ERICH3: variants seen among roughly 807,000 people sequenced by gnomAD.
The protein encoded by ERICH3 is glutamate rich 3, also known as glutamate-rich protein 3.
A neutral mutation model predicts 131.1 loss-of-function variants in ERICH3; 126 were observed. That is an observed-to-expected ratio of 0.96 (90% CI 0.83 to 1.11). ERICH3 has a LOEUF of 1.11. Among genes scored for constraint, ERICH3 ranks in the 50% most tolerant of loss-of-function variants. The pLI is 0.00. For synonymous variants in ERICH3, 695 were observed against 644.6 expected, an observed-to-expected ratio of 1.08 and a Z score of -1.18; for missense variants, 2,050 against 1,810.7, an observed-to-expected ratio of 1.13 and a Z score of -2.40.
intron 10 of ERICH3, among the ~76,000 whole-genome samples, chr1:74,600,470 C>A (rs1399372714): frequency 1.3e-5 from 2 of 151,658 alleles, no homozygotes; most frequent in Admixed American, 1.3e-4. Flanking sequence ...CAAGAAAAGG[C>A]ATTATGAAGG....
At chr1:74,658,308 C>G (rs1646604815) in intron 1 of ERICH3, among the ~76,000 whole-genome samples, 2 of 152,130 alleles carry the variant, frequency 1.3e-5, no homozygotes, top group South Asian at 4.1e-4. Context: ...AAGATTTGTT[C>G]AAAACACATG....
At chr1:74,673,476 A>G (rs552162526) in intron 1 of ERICH3, 21 bp downstream of exon 1, 1 of 1,612,108 alleles carries the variant, frequency 6.2e-7, no homozygotes, top group South Asian at 1.1e-5. Flanking sequence ...ACAGCGTGGA[A>G]AAGCTCCAGT....
intron 7 of ERICH3, among the ~76,000 whole-genome samples, chr1:74,626,969 C>T (rs566262472): frequency 2.6e-5 from 4 of 151,860 alleles, no homozygotes; most frequent in South Asian, 4.2e-4. Context: ...TCTTTCTTTC[C>T]TTTTTTTTAA....
At position 74,572,258 on chromosome 1, in the gene ERICH3, T is replaced by C. The variant is rs761780276; in HGVS notation, c.3452A>G (p.Glu1151Gly). The C allele has an allele frequency of 1.2e-6, 2 of 1,614,130 alleles. No individual in the cohort carries two copies. The highest frequency in any genetic ancestry group is 2.2e-5 in the South Asian group (2 of 91,086). The change falls in exon 14 of 15, where the codon GAG becomes GGG. Residue 1151 changes from glutamate to glycine, a missense_variant. Physicochemically the swap from Glu to Gly is moderately conservative, Grantham distance 98. Coordinates refer to ENST00000326665, the MANE Select transcript of ERICH3 (RefSeq NM_001002912.5). ...TGCTTCAAATATGGGAACCACTGTC[T>C]CTTTTAGTGAATCTTCTCCTAGAAG... Reference protein sequence around the residue: ...PGLLGEDSLKETVVPIFEATP... With the variant: ...PGLLGEDSLKGTVVPIFEATP...
chr1:74,632,287 T>C (rs978841934), intron 6 of ERICH3, among the ~76,000 whole-genome samples: 2 of 152,060 alleles, frequency 1.3e-5, no homozygotes, highest in African/African-American at 2.4e-5. Flanking sequence ...AATAGGAAAT[T>C]AGGACTTTTT....
rs189218546 is a variant in ERICH3, at chr1:74,614,026, T to G, written c.1001-1217A>C. ...ACCAGTGGTTTTCAAATTTTAATGG[T>G]GTATCAGCATCACCTAGAGGGCTTG... On this transcript the variant is annotated intron_variant, in intron 8 of 14. Transcript: ENST00000326665. Among the ~76,000 whole-genome samples, 738 of 152,300 alleles carry G rather than the reference T, an allele frequency of 4.8e-3. 8 individuals are homozygous for G. The highest frequency in any genetic ancestry group is 0.016 in the African/African-American group (665 of 41,560).
intron 2 of ERICH3, among the ~76,000 whole-genome samples, chr1:74,648,819 T>C (rs1170794901): frequency 6.6e-6 from 1 of 152,158 alleles, no homozygotes; most frequent in Non-Finnish European, 1.5e-5. Context: ...TGTTGAAATG[T>C]ACATGTCTTC....
chr1:74,616,209 G>A (rs989262549), intron 8 of ERICH3, among the ~76,000 whole-genome samples: 2 of 151,752 alleles, frequency 1.3e-5, no homozygotes, highest in African/African-American at 4.8e-5. Flanking sequence ...TAGTAGAGAC[G>A]GGGTTTCGCC....
At chr1:74,595,483 C>A (rs1454807106) in intron 11 of ERICH3, among the ~76,000 whole-genome samples, 2 of 151,978 alleles carry the variant, frequency 1.3e-5, no homozygotes, top group Non-Finnish European at 2.9e-5. Flanking sequence ...GCAGATATAG[C>A]AGGAGGAGAA....
At chr1:74,673,809 A>C (rs2100666482), upstream of ERICH3, 1 of 366,338 alleles carries the variant, frequency 2.7e-6, no homozygotes, top group African/African-American at 2.1e-5. Context: ...GAGCCTGCGG[A>C]AGCTGGAAGT....
chr1:74,656,137 A>G (rs1370212181), intron 1 of ERICH3, among the ~76,000 whole-genome samples: 35 of 152,282 alleles, frequency 2.3e-4, no homozygotes, highest in Admixed American at 6.5e-5. Context: ...GGTTTCCTAG[A>G]AAGAAACTGG....
chr1:74,653,718 T>G (rs928808611), intron 1 of ERICH3, among the ~76,000 whole-genome samples: 1 of 152,124 alleles, frequency 6.6e-6, no homozygotes, highest in Non-Finnish European at 1.5e-5. Flanking sequence ...TGTGAGTCAG[T>G]TTTAGGAAAA....
intron 8 of ERICH3, among the ~76,000 whole-genome samples, chr1:74,615,835 C>T (rs1465630690): frequency 1.3e-5 from 2 of 152,214 alleles, no homozygotes; most frequent in East Asian, 1.9e-4. Flanking sequence ...TAACCAGCCG[C>T]TTTGCTGTCT....
In ERICH3 at chr1:74,589,787, C is replaced by A. The variant is rs1274251958; in HGVS notation, c.2020G>T (p.Glu674Ter). 6.2e-7 allele frequency: 1 copy of A among 1,614,128 alleles called. No individual in the cohort carries two copies. The highest frequency in any genetic ancestry group is 2.2e-5 in the East Asian group (1 of 44,878). ...TCTGCAATCTCTTGGGTTCCTTTCT[C>A]CGTTCCTTCTTTAAGAACATTCTCA... ...SFENVLKEGT[E>*]KGTQEIAEGL... The change falls in exon 12 of 15, where the codon GAG becomes TAG. Residue 674 changes from glutamate (E) to a stop codon, truncating the protein, a stop_gained. Transcript: ENST00000326665. LOFTEE classifies it high-confidence loss of function.
intron 7 of ERICH3, chr1:74,626,151 G>A (rs1570887240): frequency 6.6e-6 from 1 of 152,050 alleles, no homozygotes; most frequent in East Asian, 1.9e-4. Context: ...TTTTAGAATT[G>A]CATATGTGGC....
intron 13 of ERICH3, among the ~76,000 whole-genome samples, chr1:74,574,553 C>T (rs1280319477): frequency 6.6e-6 from 1 of 152,208 alleles, no homozygotes; most frequent in Non-Finnish European, 1.5e-5. Flanking sequence ...TGTTCAGAAG[C>T]TAACTTGCCT....
At chr1:74,619,699 G>A (rs1182046622) in intron 8 of ERICH3, among the ~76,000 whole-genome samples, 1 of 152,148 alleles carries the variant, frequency 6.6e-6, no homozygotes, top group Non-Finnish European at 1.5e-5. Context: ...ACTCTGGAAT[G>A]CTACAGCAAA....
rs1174863138 is a variant in ERICH3, at chr1:74,571,638, C to T, written c.4072G>A (p.Glu1358Lys). The T allele has an allele frequency of 6.2e-7, 1 of 1,614,156 alleles. No individual in the cohort carries two copies. Among genetic ancestry groups the T allele is most frequent in the Non-Finnish European group, 8.5e-7 (1 of 1,180,024 alleles). ...ETAETAAEER[E>K]VLAGSETAEE... Reference sequence around the variant, plus strand: ...GCTGTCTCCGAACCTGCCAACACCTCCCTCTCCTCTGCGGCTGTTTCTGCC... The same window carrying T: ...GCTGTCTCCGAACCTGCCAACACCTTCCTCTCCTCTGCGGCTGTTTCTGCC... The change falls in exon 14 of 15, where the codon GAG (glutamate) becomes AAG (lysine). Residue 1358 changes from glutamate to lysine, a missense_variant. Physicochemically the swap from Glu to Lys is moderately conservative, Grantham distance 56. Coordinates refer to ENST00000326665, the MANE Select transcript of ERICH3 (RefSeq NM_001002912.5).
intron 12 of ERICH3, among the ~76,000 whole-genome samples, chr1:74,588,842 C>A (rs567060048): frequency 6.6e-5 from 10 of 152,234 alleles, no homozygotes; most frequent in Non-Finnish European, 8.8e-5. Flanking sequence ...ACACTCCTTA[C>A]TGTTTCCATG....
Sources: allele counts gnomAD v4.1 joint callset (sites outside exome capture counted in the v4.1 genomes callset), GRCh38; gene constraint gnomAD v4.1.1; transcripts MANE v1.5; gene names NCBI Gene and HGNC (gene_info 2026-07-23, HGNC 2026-07-21).